Variants in KANSL1L observed in about 807,000 individuals in gnomAD.
KANSL1L encodes the protein KAT8 regulatory NSL complex subunit 1 like, also known as KAT8 regulatory NSL complex subunit 1-like protein.
A neutral mutation model predicts 108.6 loss-of-function variants in KANSL1L; 25 were observed. The observed-to-expected ratio is 0.23, with a 90% CI of 0.17 to 0.32. KANSL1L has a LOEUF of 0.32. Ranked by LOEUF, KANSL1L falls within the 10% of genes least tolerant of loss-of-function variation. The probability of loss-of-function intolerance (pLI) is 1.00; values close to 1 mark genes in which losing one functional copy is unlikely to be tolerated. For missense variants in KANSL1L, 1,137 were observed against 1,125.7 expected (o/e 1.01, Z -0.14); for synonymous variants, 405 against 395.1 (o/e 1.03, Z -0.30).
chr2:210,162,070 A>AT (rs1553684533), intron 1 of KANSL1L, among the ~76,000 whole-genome samples: 84 of 141,096 alleles, frequency 6.0e-4, no homozygotes, highest in Middle Eastern at 3.7e-3. Flanking sequence ...ATTTAAAAAA[A>AT]AAAAAAATAT....
At chr2:210,158,183 T>C (rs2095343952) in intron 1 of KANSL1L, among the ~76,000 whole-genome samples, 1 of 152,172 alleles carries the variant, frequency 6.6e-6, no homozygotes, top group African/African-American at 2.4e-5. Context: ...AATGAAAATG[T>C]AGCAGAGGTG....
At chr2:210,032,990 C>T (rs558551301) in intron 8 of KANSL1L, 2 of 152,244 alleles carry the variant, frequency 1.3e-5, no homozygotes, top group East Asian at 1.9e-4. Context: ...AAAATCATCA[C>T]TAGGCTAAGA....
At chr2:210,076,412 C>G (rs1475433736) in intron 5 of KANSL1L, among the ~76,000 whole-genome samples, 1 of 152,150 alleles carries the variant, frequency 6.6e-6, no homozygotes. Flanking sequence ...GTCTTGAACT[C>G]CTGACCTCAG....
intron 1 of KANSL1L, among the ~76,000 whole-genome samples, chr2:210,164,443 A>G (rs962486032): frequency 6.6e-6 from 1 of 152,168 alleles, no homozygotes; most frequent in Admixed American, 6.5e-5. Flanking sequence ...GGGCAGGAGT[A>G]TTTGGATCCT....
rs879594833 is a variant in KANSL1L at position 210,084,609 on chromosome 2, C to CT, written c.1551-8854dup. Among the ~76,000 whole-genome samples, 1,066 of 148,754 alleles carry CT rather than the reference C, an allele frequency of 7.2e-3. 13 individuals are homozygous for CT. The highest frequency in any genetic ancestry group is 0.023 in the African/African-American group (920 of 40,308). The stretch of plus-strand genomic sequence containing the variant: ...TATACTCTGAGCAATATAGTGATTT[C>CT]TTTTTTTTTTCTCTCTCTTTTTTGA... On this transcript the variant is annotated intron_variant, in intron 5 of 14. Coordinates refer to ENST00000281772, the MANE Select transcript of KANSL1L (RefSeq NM_152519.4).
chr2:210,042,172 G>T (rs1006804955), intron 7 of KANSL1L, among the ~76,000 whole-genome samples: 1 of 152,082 alleles, frequency 6.6e-6, no homozygotes, highest in African/African-American at 2.4e-5. Flanking sequence ...CTTAATACCC[G>T]CACGTGACCT....
At chr2:210,140,903 GT>G (rs2095221945) in intron 2 of KANSL1L, among the ~76,000 whole-genome samples, 1 of 152,004 alleles carries the variant, frequency 6.6e-6, no homozygotes, top group Non-Finnish European at 1.5e-5. Context: ...AAGTAGGATG[GT>G]TTTCTTTTGG....
chr2:210,107,766 C>A (rs1438339086), intron 3 of KANSL1L, among the ~76,000 whole-genome samples: 2 of 151,984 alleles, frequency 1.3e-5, no homozygotes, highest in Non-Finnish European at 2.9e-5. Context: ...ATCTCCTGAC[C>A]TTGTAATTCG....
intron 3 of KANSL1L, among the ~76,000 whole-genome samples, chr2:210,114,061 T>A (rs1490751929): frequency 6.6e-6 from 1 of 152,126 alleles, no homozygotes; most frequent in Non-Finnish European, 1.5e-5. Context: ...ATGAAAGACA[T>A]GATTACAAAT....
intron 10 of KANSL1L, among the ~76,000 whole-genome samples, chr2:210,029,558 C>T (rs969763599): frequency 1.3e-5 from 2 of 151,970 alleles, no homozygotes; most frequent in Non-Finnish European, 2.9e-5. Flanking sequence ...TAGAGATGAT[C>T]ATGATAATGT....
chr2:210,053,784 A>G lies in KANSL1L; in HGVS notation c.1756-9680T>C, dbSNP rs192834361. On this transcript the variant is annotated intron_variant, in intron 6 of 14. Transcript: ENST00000281772. ...AAAAGACAAACTGTGAAAAAAAGTC[A>G]TAAAAAACAAAGGGCAAATTTCCTT... 5.9e-5 allele frequency among the ~76,000 whole-genome samples: 9 copies of G among 152,228 alleles called. No homozygotes were observed. In the East Asian group the frequency reaches 1.7e-3, roughly 29 times the overall value.
chr2:210,054,431 C>A (rs1008389398), intron 6 of KANSL1L, among the ~76,000 whole-genome samples: 41 of 151,790 alleles, frequency 2.7e-4, no homozygotes, highest in African/African-American at 9.2e-4. Flanking sequence ...AAGATGTTGG[C>A]AAACAGGCAG....
At chr2:210,036,047 A>G (rs1216610058) in intron 8 of KANSL1L, among the ~76,000 whole-genome samples, 1 of 152,170 alleles carries the variant, frequency 6.6e-6, no homozygotes, top group African/African-American at 2.4e-5. Flanking sequence ...TTCTCTGTAA[A>G]TTCCAATTAA....
chr2:210,085,793 G>T (rs555671878), intron 5 of KANSL1L, among the ~76,000 whole-genome samples: 1 of 151,148 alleles, frequency 6.6e-6, no homozygotes, highest in South Asian at 2.1e-4. Flanking sequence ...ATAGTTACAT[G>T]ATATTAGATC....
chr2:210,080,775 T>C (rs1370744767), intron 5 of KANSL1L, among the ~76,000 whole-genome samples: 4 of 152,022 alleles, frequency 2.6e-5, no homozygotes, highest in African/African-American at 9.7e-5. Flanking sequence ...ATCAGCCCCT[T>C]TTGTGGTCTT....
At chr2:210,059,308 C>A (rs986816393) in intron 6 of KANSL1L, among the ~76,000 whole-genome samples, 4 of 152,232 alleles carry the variant, frequency 2.6e-5, no homozygotes, top group African/African-American at 7.2e-5. Flanking sequence ...GCCAGCACCA[C>A]CTGCCAGAAG....
rs567984017 is a variant in KANSL1L at position 210,139,399 on chromosome 2, T to G, written c.1089-10227A>C. ...TGCAGGTATCAACTCAACATACTGATTTAATTTCCTTTTGACATATACCCA... is the reference window on the plus strand; with the variant it reads ...TGCAGGTATCAACTCAACATACTGAGTTAATTTCCTTTTGACATATACCCA... On this transcript the variant is annotated intron_variant, in intron 2 of 14. Transcript: ENST00000281772. 2.0e-5 allele frequency among the ~76,000 whole-genome samples: 3 copies of G among 152,320 alleles called. No homozygotes were observed. In the South Asian group the frequency reaches 6.2e-4, roughly 32 times the overall value.
intron 3 of KANSL1L, among the ~76,000 whole-genome samples, chr2:210,104,886 A>T (rs2094830909): frequency 6.6e-6 from 1 of 152,086 alleles, no homozygotes; most frequent in South Asian, 2.1e-4. Context: ...CAAAGTTCCC[A>T]CTGCTTTCAG....
intron 1 of KANSL1L, 72 bp from the exon 2 acceptor site, chr2:210,154,683 A>G: frequency 2.3e-6 from 2 of 860,850 alleles, no homozygotes; most frequent in Non-Finnish European, 3.3e-6. Flanking sequence ...TTCTAAGGGC[A>G]ACATGTTCAA....
Sources: gnomAD v4.1 joint callset for allele counts (sites outside exome capture counted in the v4.1 genomes callset) on GRCh38, gnomAD v4.1.1 for gene constraint, MANE v1.5 for transcripts, NCBI Gene and HGNC (gene_info 2026-07-23, HGNC 2026-07-21) for gene names.